BRINP3: variants seen among roughly 807,000 people sequenced by gnomAD.
BRINP3 encodes BMP/retinoic acid inducible neural specific 3, also known as BMP/retinoic acid-inducible neural-specific protein 3.
In BRINP3, 19 loss-of-function variants were observed where a neutral mutation model predicts 71.0. The ratio of observed to expected loss-of-function variants is 0.27; its 90% CI spans 0.19 to 0.39. The LOEUF is 0.39. Ranked by LOEUF, BRINP3 falls within the 10% of genes least tolerant of loss-of-function variation. The pLI is 1.00. For missense variants in BRINP3, 959 were observed against 940.8 expected, an observed-to-expected ratio of 1.02 and a Z score of -0.25; for synonymous variants, 380 against 337.7, an observed-to-expected ratio of 1.13 and a Z score of -1.37.
chr1:190,145,919 C>T (rs536832973), intron 7 of BRINP3, among the ~76,000 whole-genome samples: 11 of 152,026 alleles, frequency 7.2e-5, no homozygotes, highest in South Asian at 2.1e-4. Context: ...GGTTGGAGCT[C>T]GAGGCCATTA....
chr1:190,250,131 G>A (rs1168386677), intron 4 of BRINP3, among the ~76,000 whole-genome samples: 2 of 151,828 alleles, frequency 1.3e-5, no homozygotes, highest in Non-Finnish European at 2.9e-5. Flanking sequence ...GGGAAAAGCA[G>A]AAGCTGAAAT....
intron 2 of BRINP3, among the ~76,000 whole-genome samples, chr1:190,375,036 C>A (rs1210524279): frequency 6.6e-6 from 1 of 151,480 alleles, no homozygotes; most frequent in Non-Finnish European, 1.5e-5. Flanking sequence ...AGAAATAGAC[C>A]CAAATATGTA....
chr1:190,300,736 C>T lies in BRINP3; in HGVS notation c.237-18986G>A, dbSNP rs556200073. 3.2e-3 allele frequency among the ~76,000 whole-genome samples: 486 copies of T among 152,218 alleles called. 4 individuals are homozygous for T. The highest frequency in any genetic ancestry group is 0.011 in the African/African-American group (471 of 41,518). The stretch of plus-strand genomic sequence containing the variant: ...AGGGTCCTGTCTGTTAGAAGGAAAA[C>T]TAACCAGCAGAAAGGACATCCACAC... On this transcript the variant is annotated intron_variant, in intron 2 of 7. Coordinates refer to ENST00000367462, the MANE Select transcript of BRINP3 (RefSeq NM_199051.3).
chr1:190,138,755 G>A (rs1655182191), intron 7 of BRINP3, among the ~76,000 whole-genome samples: 1 of 152,132 alleles, frequency 6.6e-6, no homozygotes, highest in South Asian at 2.1e-4. Context: ...CAGAAAGGTT[G>A]GTAGAATGGC....
At chr1:190,262,814 C>T (rs1661302834) in intron 4 of BRINP3, among the ~76,000 whole-genome samples, 2 of 152,046 alleles carry the variant, frequency 1.3e-5, no homozygotes, top group South Asian at 4.1e-4. Context: ...AATGAATCAT[C>T]ATTATTCCCA....
At position 190,258,424 on chromosome 1, in the gene BRINP3, A is replaced by G. The variant is rs1032918771; in HGVS notation, c.618+6441T>C. Reference sequence around the variant, plus strand: ...ATATTAACTCATTGGAAAAATAAAAAAAAACAACAAAATACAGAAAATTCA... The same window carrying G: ...ATATTAACTCATTGGAAAAATAAAAGAAAACAACAAAATACAGAAAATTCA... On this transcript the variant is annotated intron_variant, in intron 4 of 7. Coordinates refer to ENST00000367462, the MANE Select transcript of BRINP3 (RefSeq NM_199051.3). 2.0e-5 allele frequency among the ~76,000 whole-genome samples: 3 copies of G among 152,334 alleles called. No homozygotes were observed. The South Asian group carries it at 6.2e-4, about 32-fold the overall frequency.
intron 6 of BRINP3, among the ~76,000 whole-genome samples, chr1:190,184,997 A>C (rs1433429821): frequency 2.6e-5 from 4 of 152,194 alleles, no homozygotes; most frequent in Non-Finnish European, 5.9e-5. Flanking sequence ...GAAGCTTTAA[A>C]ACTCTTAAAA....
chr1:190,325,749 T>C (rs991974012), intron 2 of BRINP3, among the ~76,000 whole-genome samples: 11 of 152,096 alleles, frequency 7.2e-5, no homozygotes, highest in African/African-American at 2.7e-4. Flanking sequence ...TCTGACACAA[T>C]CTTTGTCATT....
intron 2 of BRINP3, among the ~76,000 whole-genome samples, chr1:190,301,555 AT>A (rs1189795481): frequency 6.6e-6 from 1 of 151,576 alleles, no homozygotes; most frequent in African/African-American, 2.4e-5. Context: ...AAACAATTTT[AT>A]GTAATGTCCT....
At chr1:190,394,403 T>C (rs1024481580) in intron 2 of BRINP3, among the ~76,000 whole-genome samples, 3 of 151,494 alleles carry the variant, frequency 2.0e-5, no homozygotes, top group African/African-American at 7.2e-5. Flanking sequence ...ATGGGTTTCT[T>C]GCACTGTTTT....
At chr1:190,129,716 G>A (rs12116824) in intron 7 of BRINP3, among the ~76,000 whole-genome samples, 21,479 of 151,838 alleles carry the variant, frequency 0.14, 2,579 homozygotes, top group African/African-American at 0.29. Context: ...TCTCCCAAAA[G>A]TTTAGGACAA....
chr1:190,349,819 G>A (rs1668256489), intron 2 of BRINP3, among the ~76,000 whole-genome samples: 1 of 152,096 alleles, frequency 6.6e-6, no homozygotes, highest in Non-Finnish European at 1.5e-5. Context: ...AGGGATAATA[G>A]AGGAAGAAAG....
intron 2 of BRINP3, among the ~76,000 whole-genome samples, chr1:190,388,676 C>A (rs1453655211): frequency 6.6e-6 from 1 of 151,678 alleles, no homozygotes; most frequent in East Asian, 1.9e-4. Flanking sequence ...AAACATGAGA[C>A]AATAAATTTA....
chr1:190,297,410 T>C (rs1452715801), intron 2 of BRINP3, among the ~76,000 whole-genome samples: 2 of 151,732 alleles, frequency 1.3e-5, no homozygotes, highest in Non-Finnish European at 2.9e-5. Flanking sequence ...AGAACTGAAA[T>C]CATAAAACTC....
chr1:190,247,628 C>T (rs1249067913), intron 4 of BRINP3, among the ~76,000 whole-genome samples: 1 of 151,824 alleles, frequency 6.6e-6, no homozygotes, highest in Non-Finnish European at 1.5e-5. Flanking sequence ...CCATCTTCCA[C>T]TCTCCCCTAT....
At chr1:190,153,528 G>A (rs2102430867) in intron 7 of BRINP3, among the ~76,000 whole-genome samples, 1 of 152,054 alleles carries the variant, frequency 6.6e-6, no homozygotes, top group South Asian at 2.1e-4. Flanking sequence ...GAGTCATCCT[G>A]GAGTGCCTGA....
At chr1:190,408,970 C>G (rs1032899788) in intron 2 of BRINP3, among the ~76,000 whole-genome samples, 15 of 152,124 alleles carry the variant, frequency 9.9e-5, no homozygotes, top group African/African-American at 3.4e-4. Context: ...GTTGTAACAA[C>G]CTGGAAGTGG....
At chr1:190,266,004 G>A (rs372801815) in intron 3 of BRINP3, among the ~76,000 whole-genome samples, 1 of 152,120 alleles carries the variant, frequency 6.6e-6, no homozygotes, top group African/African-American at 2.4e-5. Context: ...AACGTAAAAC[G>A]TAAAGTGTAT....
chr1:190,341,966 C>A (rs566750325), intron 2 of BRINP3, among the ~76,000 whole-genome samples: 11 of 151,222 alleles, frequency 7.3e-5, no homozygotes, highest in Admixed American at 5.3e-4. Context: ...AAAGTGTCAG[C>A]AGGACTGAGT....
Sources: gnomAD v4.1 joint callset for allele counts (sites outside exome capture counted in the v4.1 genomes callset) on GRCh38, gnomAD v4.1.1 for gene constraint, MANE v1.5 for transcripts, NCBI Gene and HGNC (gene_info 2026-07-23, HGNC 2026-07-21) for gene names.